The following NDC1 variants were observed in gnomAD, a reference collection of about 807,000 sequenced individuals.
The protein encoded by NDC1 is NDC1 transmembrane nucleoporin, also known as nucleoporin NDC1.
A neutral mutation model predicts 89.8 loss-of-function variants in NDC1; 24 were observed. The ratio of observed to expected loss-of-function variants is 0.27; its 90% CI spans 0.19 to 0.38. The LOEUF (loss-of-function observed/expected upper bound fraction) is 0.38, where lower values mean the gene tolerates loss of function less well. Among genes scored for constraint, NDC1 ranks in the 10% least tolerant of loss-of-function variants. The probability of loss-of-function intolerance (pLI) is 1.00; values close to 1 mark genes in which losing one functional copy is unlikely to be tolerated. For synonymous variants in NDC1, 296 were observed against 284.8 expected (o/e 1.04, Z -0.39); for missense variants, 728 against 797.6 (o/e 0.91, Z 1.05).
chr1:53,767,227 C>T lies in NDC1; in HGVS notation c.*743G>A, dbSNP rs1365800643. 2.0e-5 allele frequency: 3 copies of T among 152,056 alleles called. No individual in the cohort carries two copies. Among genetic ancestry groups the T allele is most frequent in the Admixed American group, 6.6e-5 (1 of 15,258 alleles). The allele number at this position is 152,056 out of a possible 1,614,324, so 9.4% of individuals were successfully genotyped here. On this transcript the variant is annotated 3_prime_UTR_variant, in exon 18 of 18. Coordinates refer to ENST00000371429, the MANE Select transcript of NDC1 (RefSeq NM_018087.5). ...AAAGCAAAACTAGCTGGGAAAATAC[C>T]CATACATTAATACTTCGTGTTTACT...
intron 16 of NDC1, among the ~76,000 whole-genome samples, chr1:53,780,862 TC>T (rs1455050662): frequency 7.3e-6 from 1 of 136,886 alleles, no homozygotes; most frequent in Non-Finnish European, 1.5e-5. Flanking sequence ...AATTTTTCTT[TC>T]TTTTTTTTTT....
intron 9 of NDC1, among the ~76,000 whole-genome samples, chr1:53,805,708 T>C (rs1053562542): frequency 6.6e-6 from 1 of 152,248 alleles, no homozygotes; most frequent in Admixed American, 6.5e-5. Flanking sequence ...TATACATTTC[T>C]AAGCGCTATT....
chr1:53,814,834 G>A (rs1232033402), intron 6 of NDC1, among the ~76,000 whole-genome samples: 1 of 152,074 alleles, frequency 6.6e-6, no homozygotes, highest in African/African-American at 2.4e-5. Flanking sequence ...ACACCTTTAC[G>A]CACATAAACT....
At chr1:53,803,648 T>G (rs1401168014) in intron 10 of NDC1, among the ~76,000 whole-genome samples, 1 of 152,216 alleles carries the variant, frequency 6.6e-6, no homozygotes, top group African/African-American at 2.4e-5. Context: ...CTCGGCTCAC[T>G]GCAAGCTCCG....
chr1:53,772,639 G>T, intron 16 of NDC1, 150 bp from the exon 17 acceptor site: 1 of 542,086 alleles, frequency 1.8e-6, no homozygotes, highest in South Asian at 3.1e-5. Context: ...CTCCAGACTG[G>T]GCGACAGAGA....
At chr1:53,817,673 GAAGTA>G (rs1648526602) in intron 6 of NDC1, among the ~76,000 whole-genome samples, 1 of 152,068 alleles carries the variant, frequency 6.6e-6, no homozygotes, top group Non-Finnish European at 1.5e-5. Context: ...ACATGACAGT[GAAGTA>G]TTTACAGAAG....
chr1:53,838,112 C>G (rs1456053263), intron 1 of NDC1, 93 bp downstream of exon 1: 6 of 1,182,472 alleles, frequency 5.1e-6, no homozygotes, highest in Non-Finnish European at 7.1e-6. Flanking sequence ...TGCCCCGGGA[C>G]CGGCCCTCCC....
chr1:53,788,545 A>G (rs1291291589), intron 15 of NDC1, among the ~76,000 whole-genome samples: 2 of 152,078 alleles, frequency 1.3e-5, no homozygotes, highest in Middle Eastern at 3.4e-3. Context: ...CTCTGGTCTC[A>G]GCCTCCCGAG....
At chr1:53,825,441 C>T (rs926597357) in intron 5 of NDC1, among the ~76,000 whole-genome samples, 2 of 100,890 alleles carry the variant, frequency 2.0e-5, no homozygotes, top group Admixed American at 8.4e-5. Context: ...GGCAAAGAAG[C>T]GAGACTGTCT....
chr1:53,792,133 A>C (rs527805128), intron 14 of NDC1, among the ~76,000 whole-genome samples: 1 of 151,990 alleles, frequency 6.6e-6, no homozygotes, highest in Non-Finnish European at 1.5e-5. Context: ...TAGTAGAGAC[A>C]GGGTTTCACC....
chr1:53,803,964 A>G lies in NDC1; in HGVS notation c.1030T>C (p.Ser344Pro), dbSNP rs775341175. ...AGGCTGAAAACTTCTTGTCTTCGTG[A>G]AGGAGAATATTGAGAAAGCAACATC... ...DLMLLSQYSP[S>P]RRQEVFSLSQ... Residue 344 changes from serine to proline, a missense_variant, in exon 10 of 18, where the codon TCA (serine) becomes CCA (proline). By Grantham distance (74) the Ser-to-Pro change is moderately conservative (BLOSUM62 -1). Transcript: ENST00000371429. The G allele has an allele frequency of 6.2e-7, 1 of 1,614,104 alleles. No individual in the cohort carries two copies. The highest frequency in any genetic ancestry group is 8.5e-7 in the Non-Finnish European group (1 of 1,179,958).
intron 17 of NDC1, among the ~76,000 whole-genome samples, chr1:53,769,675 A>T (rs777711534): frequency 1.3e-5 from 2 of 152,272 alleles, no homozygotes; most frequent in Admixed American, 6.5e-5. Flanking sequence ...AATAGTGAAT[A>T]ATCAGATATT....
At chr1:53,776,209 G>A (rs1402972706) in intron 16 of NDC1, among the ~76,000 whole-genome samples, 1 of 151,996 alleles carries the variant, frequency 6.6e-6, no homozygotes, top group Non-Finnish European at 1.5e-5. Flanking sequence ...TGCCTTCCCC[G>A]GTTTCCCAAA....
At chr1:53,773,438 CTTTT>C (rs1324778500) in intron 16 of NDC1, among the ~76,000 whole-genome samples, 1 of 152,100 alleles carries the variant, frequency 6.6e-6, no homozygotes, top group Non-Finnish European at 1.5e-5. Context: ...CTGATGACAG[CTTTT>C]TTGTTTTTTA....
chr1:53,770,553 C>T (rs1365525127), intron 17 of NDC1, among the ~76,000 whole-genome samples: 3 of 152,226 alleles, frequency 2.0e-5, no homozygotes, highest in Admixed American at 6.5e-5. Context: ...ATGATCCGCC[C>T]GCCTTGGCCT....
At chr1:53,835,735 TCAAA>T (rs1649209486) in intron 1 of NDC1, 115 bp from the exon 2 acceptor site, 2 of 836,072 alleles carry the variant, frequency 2.4e-6, no homozygotes, top group South Asian at 3.9e-5. Flanking sequence ...AATCCGTAAC[TCAAA>T]CATTCACTAC....
intron 17 of NDC1, among the ~76,000 whole-genome samples, chr1:53,768,871 T>C (rs180853485): frequency 6.6e-6 from 1 of 152,362 alleles, no homozygotes; most frequent in African/African-American, 2.4e-5. Context: ...TGAGGCTGTC[T>C]TCTCTAACTT....
At chr1:53,782,288 C>G (rs1418165476) in intron 16 of NDC1, among the ~76,000 whole-genome samples, 1 of 151,990 alleles carries the variant, frequency 6.6e-6, no homozygotes, top group African/African-American at 2.4e-5. Context: ...GTTGAGAGTC[C>G]ATAGGAGCAA....
At position 53,819,005 on chromosome 1, in the gene NDC1, C is replaced by T; in HGVS notation, c.669G>A (p.Leu223=). 6.4e-7 allele frequency: 1 copy of T among 1,570,816 alleles called. No individual in the cohort carries two copies. Among genetic ancestry groups the T allele is most frequent in the South Asian group, 1.2e-5 (1 of 83,724 alleles). The change falls in exon 6 of 18, where the codon CTG becomes CTA. Residue 223 remains leucine, a synonymous_variant. Coordinates refer to ENST00000371429, the MANE Select transcript of NDC1 (RefSeq NM_018087.5). The part of the protein sequence containing the change: ...VKHSCVESLF[L]VRNFCILYYF... ...AATATAAAATGCAGAAATTTCTAAC[C>T]AGGAACAGTGATTCCACACAACTGT... is the stretch of plus-strand genomic sequence containing the variant.
Sources: gnomAD v4.1 joint callset for allele counts (sites outside exome capture counted in the v4.1 genomes callset) on GRCh38, gnomAD v4.1.1 for gene constraint, MANE v1.5 for transcripts, NCBI Gene and HGNC (gene_info 2026-07-23, HGNC 2026-07-21) for gene names.